The following SMAD9 variants were observed in gnomAD, a reference collection of about 807,000 sequenced individuals.
SMAD9 encodes SMAD family member 9, also known as MAD homolog 9.
A neutral mutation model predicts 46.1 loss-of-function variants in SMAD9; 36 were observed. That is an observed-to-expected ratio of 0.78 (90% CI 0.60 to 1.03). The LOEUF is 1.03. Among genes scored for constraint, SMAD9 ranks in the 50% least tolerant of loss-of-function variants. SMAD9 has a pLI of 0.00. For missense variants in SMAD9, 572 were observed against 599.8 expected (o/e 0.95, Z 0.48); for synonymous variants, 245 against 237.1 (o/e 1.03, Z -0.31).
intron 1 of SMAD9, among the ~76,000 whole-genome samples, chr13:36,911,350 C>G (rs138680481): frequency 1.4e-3 from 211 of 152,198 alleles, no homozygotes; most frequent in Non-Finnish European, 2.7e-3. Context: ...AATTGAAGTT[C>G]TAACCTAAAG....
chr13:36,865,235 A>C (rs895448736), intron 5 of SMAD9, among the ~76,000 whole-genome samples: 14 of 152,116 alleles, frequency 9.2e-5, no homozygotes, highest in African/African-American at 3.4e-4. Flanking sequence ...AATGCATAAC[A>C]CTTCTATTTA....
intron 2 of SMAD9, among the ~76,000 whole-genome samples, chr13:36,875,272 C>T (rs2058335376): frequency 1.3e-5 from 2 of 152,150 alleles, no homozygotes. Flanking sequence ...ATGACATTAA[C>T]CCCGAAGTCT....
chr13:36,884,996 CTTAT>C (rs1004285330), intron 1 of SMAD9, among the ~76,000 whole-genome samples: 11 of 152,276 alleles, frequency 7.2e-5, no homozygotes, highest in Admixed American at 3.3e-4. Flanking sequence ...TCATGATTTC[CTTAT>C]TTGTTTTTGT....
intron 1 of SMAD9, among the ~76,000 whole-genome samples, chr13:36,910,192 G>A (rs61288742): frequency 0.027 from 3,901 of 144,064 alleles, 158 homozygotes; most frequent in African/African-American, 0.093. Context: ...GCGAGACTCC[G>A]TCTCAAAAAA....
intron 5 of SMAD9, among the ~76,000 whole-genome samples, chr13:36,861,872 T>G (rs560189153): frequency 6.6e-6 from 1 of 150,636 alleles, no homozygotes; most frequent in South Asian, 2.1e-4. Flanking sequence ...GAGGTTGCAG[T>G]AAGCTGAGAT....
chr13:36,867,756 C>G (rs760188796), intron 3 of SMAD9, among the ~76,000 whole-genome samples: 1 of 152,162 alleles, frequency 6.6e-6, no homozygotes, highest in Non-Finnish European at 1.5e-5. Flanking sequence ...TTGAAGTGAG[C>G]TTAATTTTCA....
chr13:36,920,211 GGCGGCC>G lies in SMAD9; in HGVS notation c.-288_-283del. On this transcript the variant is annotated 5_prime_UTR_variant, in exon 1 of 7. Transcript: ENST00000379826. ...CAGCGGCGGCGGCGGCGGCGGCGGCGGCGGCCCCAGCCGGCGTCAGTCAGACTGGAG... is the reference window on the plus strand; with the variant it reads ...CAGCGGCGGCGGCGGCGGCGGCGGCGCCAGCCGGCGTCAGTCAGACTGGAG... 7.2e-6 allele frequency: 1 copy of G among 139,400 alleles called. No homozygotes were observed. The highest frequency in any genetic ancestry group is 1.5e-5 in the Non-Finnish European group (1 of 64,902). 8.6% of individuals were successfully genotyped at this position (139,400 alleles called of 1,614,324 possible).
intron 6 of SMAD9, among the ~76,000 whole-genome samples, chr13:36,850,846 G>A (rs535884): frequency 0.066 from 10,035 of 152,130 alleles, 658 homozygotes; most frequent in African/African-American, 0.16. Context: ...TGAATGCAAC[G>A]GACATCTCAA....
chr13:36,891,417 C>A (rs536293616), intron 1 of SMAD9, among the ~76,000 whole-genome samples: 90 of 152,288 alleles, frequency 5.9e-4, no homozygotes, highest in Non-Finnish European at 6.3e-4. Context: ...TTCAAATATT[C>A]AGAGTCTTAA....
In SMAD9 at chr13:36,905,039, A is replaced by G. The variant is rs945874959; in HGVS notation, c.-187+15077T>C. On this transcript the variant is annotated intron_variant, in intron 1 of 6. Coordinates refer to ENST00000379826, the MANE Select transcript of SMAD9 (RefSeq NM_001127217.3). ...TTATCACACTGAGCACTGAGGGAAGACGGAGATGATTTTGCCCCCCACGGG... is the reference window on the plus strand; with the variant it reads ...TTATCACACTGAGCACTGAGGGAAGGCGGAGATGATTTTGCCCCCCACGGG... Among the ~76,000 whole-genome samples the G allele has an allele frequency of 3.9e-5, 6 of 152,306 alleles. 1 individual carries two copies. The East Asian group carries it at 1.2e-3, about 29-fold the overall frequency.
rs372254094 is a variant in SMAD9, at chr13:36,867,286, C to T, written c.768G>A (p.Ser256=). 337 of 1,541,454 alleles carry T rather than the reference C, an allele frequency of 2.2e-4. No individual in the cohort carries two copies. Among genetic ancestry groups the T allele is most frequent in the Admixed American group, 3.1e-4 (16 of 50,956 alleles). The change falls in exon 4 of 7, where the codon TCG becomes TCA. Residue 256 remains serine (S), a synonymous_variant. Coordinates refer to ENST00000379826, the MANE Select transcript of SMAD9 (RefSeq NM_001127217.3). Reference sequence around the variant, plus strand: ...TCTGCAATTTACCTCCATTTGGTATCGATAGCACTACATGTCTATCAGCTG... The same window carrying T: ...TCTGCAATTTACCTCCATTTGGTATTGATAGCACTACATGTCTATCAGCTG... ...DATADRHVVL[S]IPNGDFRPVC...
Position 36,911,529 on chromosome 13 carries a change from T to C in SMAD9, c.-187+8587A>G, listed in dbSNP as rs568051636. Among the ~76,000 whole-genome samples the C allele has an allele frequency of 2.0e-4, 31 of 151,380 alleles. 1 individual carries two copies. The highest frequency in any genetic ancestry group is 1.6e-3 in the Admixed American group (24 of 15,062). On this transcript the variant is annotated intron_variant, in intron 1 of 6. Coordinates refer to ENST00000379826, the MANE Select transcript of SMAD9 (RefSeq NM_001127217.3). ...ATGACTATAAATCATCTGTTTAATA[T>C]ATATATTTTTAATGATGTGTGGGCA...
At chr13:36,902,985 G>C (rs114496535) in intron 1 of SMAD9, among the ~76,000 whole-genome samples, 1 of 152,152 alleles carries the variant, frequency 6.6e-6, no homozygotes, top group East Asian at 1.9e-4. Context: ...AAATAAGCGT[G>C]AGGATGGGAG....
intron 5 of SMAD9, among the ~76,000 whole-genome samples, chr13:36,854,534 A>G (rs1353724609): frequency 2.6e-5 from 4 of 152,048 alleles, no homozygotes; most frequent in Non-Finnish European, 1.5e-5. Flanking sequence ...CAGCTGGCTA[A>G]TTTTTGTTTT....
chr13:36,912,750 T>C (rs937513858), intron 1 of SMAD9, among the ~76,000 whole-genome samples: 1 of 152,228 alleles, frequency 6.6e-6, no homozygotes, highest in South Asian at 2.1e-4. Flanking sequence ...AATCTCTTCC[T>C]GTTTATGTCT....
At chr13:36,900,658 C>G (rs1270247209) in intron 1 of SMAD9, among the ~76,000 whole-genome samples, 5 of 149,514 alleles carry the variant, frequency 3.3e-5, no homozygotes, top group Non-Finnish European at 1.5e-5. Flanking sequence ...CCCGAAAGGA[C>G]TTACCACTAA....
At chr13:36,897,849 C>CTTTTT (rs574741770) in intron 1 of SMAD9, among the ~76,000 whole-genome samples, 21 of 90,022 alleles carry the variant, frequency 2.3e-4, no homozygotes, top group Non-Finnish European at 3.1e-4. Context: ...TGTCCTGTGT[C>CTTTTT]TTTTTTTTTT....
intron 2 of SMAD9, among the ~76,000 whole-genome samples, chr13:36,876,724 C>A (rs1477380320): frequency 2.6e-5 from 4 of 152,114 alleles, no homozygotes; most frequent in Admixed American, 1.3e-4. Flanking sequence ...AATGGGAATG[C>A]AGCCTTCAAT....
intron 1 of SMAD9, among the ~76,000 whole-genome samples, chr13:36,917,661 C>T (rs1285374594): frequency 6.6e-6 from 1 of 152,222 alleles, no homozygotes; most frequent in Non-Finnish European, 1.5e-5. Context: ...AGAAAAACCA[C>T]ATATTTGTCA....
Sources: gnomAD v4.1 joint callset for allele counts (sites outside exome capture counted in the v4.1 genomes callset) on GRCh38, gnomAD v4.1.1 for gene constraint, MANE v1.5 for transcripts, NCBI Gene and HGNC (gene_info 2026-07-23, HGNC 2026-07-21) for gene names.